Variants in AGO3 observed in about 807,000 individuals in gnomAD.
AGO3 encodes argonaute RISC catalytic component 3.
In AGO3, 16 loss-of-function variants were observed where a neutral mutation model predicts 105.5. The ratio of observed to expected loss-of-function variants is 0.15; its 90% CI spans 0.10 to 0.23. The LOEUF is 0.23. Ranked by LOEUF, AGO3 falls within the 10% of genes least tolerant of loss-of-function variation. The pLI, the probability that AGO3 is intolerant of heterozygous loss-of-function variation, is 1.00. For missense variants in AGO3, 534 were observed against 1,088.0 expected, an observed-to-expected ratio of 0.49 and a Z score of 7.16; for synonymous variants, 340 against 367.3, an observed-to-expected ratio of 0.93 and a Z score of 0.85.
At position 36,014,060 on chromosome 1, in the gene AGO3, C is replaced by T; in HGVS notation, c.1406+12C>T. The T allele has an allele frequency of 1.2e-6, 2 of 1,613,916 alleles. No homozygotes were observed. The highest frequency in any genetic ancestry group is 1.7e-6 in the Non-Finnish European group (2 of 1,179,938). ...GAAGAAATATTGAAGTAAGACATGT[C>T]ATTACCTTGGCTTTGGGACTTTTTT... On this transcript the variant is annotated intron_variant, in intron 11 of 18. Coordinates refer to ENST00000373191, the MANE Select transcript of AGO3 (RefSeq NM_024852.4).
intron 9 of AGO3, among the ~76,000 whole-genome samples, chr1:36,011,535 C>T (rs1305753455): frequency 6.6e-6 from 1 of 152,100 alleles, no homozygotes. Context: ...GTCTCAATAA[C>T]TCACTGTTCT....
intron 5 of AGO3, among the ~76,000 whole-genome samples, chr1:35,974,294 A>G (rs1470985232): frequency 6.6e-6 from 1 of 152,008 alleles, no homozygotes; most frequent in East Asian, 1.9e-4. Context: ...TCCAAACAAG[A>G]TCCACACATC....
intron 11 of AGO3, among the ~76,000 whole-genome samples, chr1:36,015,266 A>G (rs1397637522): frequency 6.6e-6 from 1 of 152,212 alleles, no homozygotes; most frequent in African/African-American, 2.4e-5. Context: ...TGCAGTAAAG[A>G]TATCCATAGG....
Position 36,001,769 on chromosome 1 carries a change from G to C in AGO3, c.659-2572G>C, listed in dbSNP as rs370089712. Among the ~76,000 whole-genome samples the C allele has an allele frequency of 1.1e-4, 17 of 152,082 alleles. No individual in the cohort carries two copies. In the East Asian group the frequency reaches 1.5e-3, roughly 14 times the overall value. On this transcript the variant is annotated intron_variant, in intron 5 of 18. Transcript: ENST00000373191. ...AATCACCTTTCTGACAAATCTAAGT[G>C]CATATTAAAAGGAGAGGATGTATAC...
chr1:35,977,441 G>A (rs1349664898), intron 5 of AGO3, among the ~76,000 whole-genome samples: 1 of 144,020 alleles, frequency 6.9e-6, no homozygotes, highest in Non-Finnish European at 1.5e-5. Context: ...CACCCAGGCT[G>A]GAGTGCAGTG....
At chr1:35,982,807 G>T (rs1241994321) in intron 5 of AGO3, 11 of 572,832 alleles carry the variant, frequency 1.9e-5, no homozygotes, top group Non-Finnish European at 3.2e-5. Flanking sequence ...AAAACTTTGG[G>T]TGTAGTACTG....
At chr1:35,939,406 C>T (rs72902983) in intron 1 of AGO3, among the ~76,000 whole-genome samples, 3,420 of 152,098 alleles carry the variant, frequency 0.022, 132 homozygotes, top group African/African-American at 0.076. Flanking sequence ...GTGTAAAAAA[C>T]ATGGGTTTTA....
intron 5 of AGO3, 56 bp from the exon 6 acceptor site, chr1:36,004,285 G>A (rs1361808759): frequency 6.5e-7 from 1 of 1,541,784 alleles, no homozygotes; most frequent in African/African-American, 1.4e-5. Context: ...CTAAGATGAA[G>A]TTTCTGAATT....
intron 2 of AGO3, among the ~76,000 whole-genome samples, chr1:35,959,980 A>G (rs1171851913): frequency 6.6e-6 from 1 of 152,018 alleles, no homozygotes; most frequent in African/African-American, 2.4e-5. Context: ...ATTTTTATTG[A>G]TAAAGAAACT....
At chr1:35,984,725 A>G (rs933661180) in intron 5 of AGO3, among the ~76,000 whole-genome samples, 5 of 152,242 alleles carry the variant, frequency 3.3e-5, no homozygotes, top group Admixed American at 6.5e-5. Flanking sequence ...ACTTTTGGTC[A>G]TATTAAACAA....
At chr1:36,006,108 CT>C (rs540659653) in intron 6 of AGO3, among the ~76,000 whole-genome samples, 510 of 135,686 alleles carry the variant, frequency 3.8e-3, no homozygotes, top group Non-Finnish European at 4.0e-3. Flanking sequence ...TAAAATAGGG[CT>C]TTTTTTTTTT....
intron 4 of AGO3, among the ~76,000 whole-genome samples, chr1:35,972,652 G>A (rs184183044): frequency 7.5e-4 from 114 of 151,820 alleles, no homozygotes; most frequent in African/African-American, 2.6e-3. Context: ...GTGTGTGAGC[G>A]CATGTGTACC....
In AGO3 at chr1:36,015,630, A is replaced by G. The variant is rs535337324; in HGVS notation, c.1406+1582A>G. On this transcript the variant is annotated intron_variant, in intron 11 of 18. Coordinates refer to ENST00000373191, the MANE Select transcript of AGO3 (RefSeq NM_024852.4). The stretch of plus-strand genomic sequence containing the variant: ...AGATAACACTTAGGAGTTTCTAAGG[A>G]TTTTAGGAGTTGTCTGCTAGGAAAT... Among the ~76,000 whole-genome samples, 46 of 152,282 alleles carry G rather than the reference A, an allele frequency of 3.0e-4. 1 individual carries two copies. The highest frequency in any genetic ancestry group is 1.0e-3 in the South Asian group (5 of 4,822).
chr1:35,974,206 C>T (rs1453082413), intron 5 of AGO3, among the ~76,000 whole-genome samples: 1 of 152,084 alleles, frequency 6.6e-6, no homozygotes, highest in Non-Finnish European at 1.5e-5. Flanking sequence ...TATTTTTACC[C>T]TCTAATACCT....
At chr1:36,028,367 A>T in intron 12 of AGO3, among the ~76,000 whole-genome samples, 1 of 148,788 alleles carries the variant, frequency 6.7e-6, no homozygotes, top group South Asian at 2.1e-4. Context: ...ATCTAGCATT[A>T]GATGTATCTC....
intron 2 of AGO3, among the ~76,000 whole-genome samples, chr1:35,953,078 A>G (rs564503258): frequency 1.3e-5 from 2 of 152,302 alleles, no homozygotes; most frequent in African/African-American, 2.4e-5. Flanking sequence ...CCTAAGAGTG[A>G]TATCATATGA....
chr1:35,981,168 G>A (rs554386934), intron 5 of AGO3, among the ~76,000 whole-genome samples: 1 of 152,244 alleles, frequency 6.6e-6, no homozygotes, highest in Admixed American at 6.5e-5. Context: ...GCTTTGTGAT[G>A]ATATTGTCTG....
At chr1:36,017,341 T>C (rs1490296796) in intron 11 of AGO3, among the ~76,000 whole-genome samples, 1 of 152,170 alleles carries the variant, frequency 6.6e-6, no homozygotes, top group East Asian at 1.9e-4. Context: ...AGCACCCTGT[T>C]TGTTAATCCC....
At chr1:35,988,605 A>G (rs576592395) in intron 5 of AGO3, among the ~76,000 whole-genome samples, 61 of 152,056 alleles carry the variant, frequency 4.0e-4, no homozygotes, top group Non-Finnish European at 7.2e-4. Flanking sequence ...ACAAATGACA[A>G]GACTTCCTTC....
Sources: gnomAD v4.1 joint callset for allele counts (sites outside exome capture counted in the v4.1 genomes callset) on GRCh38, gnomAD v4.1.1 for gene constraint, MANE v1.5 for transcripts, NCBI Gene and HGNC (gene_info 2026-07-23, HGNC 2026-07-21) for gene names.